SH2D1B: variants seen among roughly 807,000 people sequenced by gnomAD.
SH2D1B encodes SH2 domain-containing protein 1B.
Under a neutral mutation model 16.3 loss-of-function variants are expected in SH2D1B, and 11 were observed. That is an observed-to-expected ratio of 0.67 (90% CI 0.42 to 1.11). SH2D1B has a LOEUF of 1.11. Among genes scored for constraint, SH2D1B ranks in the 50% most tolerant of loss-of-function variants. The pLI, the probability that SH2D1B is intolerant of heterozygous loss-of-function variation, is 0.00. For synonymous variants in SH2D1B, 55 were observed against 56.1 expected (o/e 0.98, Z 0.09); for missense variants, 123 against 153.1 (o/e 0.80, Z 1.04).
At chr1:162,403,035 C>A (rs537769285) in intron 1 of SH2D1B, among the ~76,000 whole-genome samples, 35 of 151,816 alleles carry the variant, frequency 2.3e-4, no homozygotes, top group African/African-American at 7.5e-4. Context: ...CAGCCTCCTG[C>A]GTAGCTGGGA....
chr1:162,399,518 T>G (rs1247588013), intron 2 of SH2D1B, among the ~76,000 whole-genome samples: 2 of 152,206 alleles, frequency 1.3e-5, no homozygotes, highest in African/African-American at 4.8e-5. Context: ...TATTTTAAGT[T>G]CAGGGGTACA....
At chr1:162,403,500 AAAAAAAAAAAAATATATATATATATAT>A (rs1648573208) in intron 1 of SH2D1B, among the ~76,000 whole-genome samples, 1 of 35,148 alleles carries the variant, frequency 2.8e-5, no homozygotes, top group Non-Finnish European at 6.5e-5. Flanking sequence ...AAAAAAAAAA[AAAAAAAAAAAAATATATATATATATAT>A]ATATATATAT....
At position 162,395,304 on chromosome 1, in the gene SH2D1B, C is replaced by T. The variant is rs866046942; in HGVS notation, c.*1976G>A. 5.7e-4 allele frequency: 87 copies of T among 152,022 alleles called. No individual in the cohort carries two copies. The highest frequency in any genetic ancestry group is 2.0e-3 in the African/African-American group (81 of 41,450). The allele number at this position is 152,022 out of a possible 1,614,324, so 9.4% of individuals were successfully genotyped here. ...CAACAATTTTATTAAGGTAACTTAC[C>T]TTTATAATGGAGTGAAGACAAAAGG... On this transcript the variant is annotated 3_prime_UTR_variant, in exon 4 of 4. Transcript: ENST00000367929.
At position 162,404,363 on chromosome 1, in the gene SH2D1B, T is replaced by C. The variant is rs189475946; in HGVS notation, c.135-1561A>G. ...AAAAAATAAAATAAAATAATAACCA[T>C]ATATTATATTTTTGAAAAATGCTGA... is the stretch of plus-strand genomic sequence containing the variant. On this transcript the variant is annotated intron_variant, in intron 1 of 3. Transcript: ENST00000367929. Among the ~76,000 whole-genome samples, 19 of 152,178 alleles carry C rather than the reference T, an allele frequency of 1.2e-4. No homozygotes were observed. The East Asian group carries it at 2.7e-3, about 22-fold the overall frequency.
chr1:162,409,314 C>G (rs996541880), intron 1 of SH2D1B, among the ~76,000 whole-genome samples: 1 of 152,098 alleles, frequency 6.6e-6, no homozygotes, highest in African/African-American at 2.4e-5. Flanking sequence ...TTCTCCACGT[C>G]AAATTGAAGT....
At chr1:162,410,656 CTTTTTTTT>C (rs66614229) in intron 1 of SH2D1B, among the ~76,000 whole-genome samples, 2 of 129,980 alleles carry the variant, frequency 1.5e-5, no homozygotes, top group African/African-American at 5.8e-5. Context: ...TTTTCTTTTT[CTTTTTTTT>C]TTTTTTTTTG....
At position 162,411,975 on chromosome 1, in the gene SH2D1B, G is replaced by C. The variant is rs143076411; in HGVS notation, c.42C>G (p.Asp14Glu). ...CTTCCTTGAGCAGCAAGGTCTCACAGTCTTGCTTGGTCAGACGTCCATGGT... is the reference window on the plus strand; with the variant it reads ...CTTCCTTGAGCAGCAAGGTCTCACACTCTTGCTTGGTCAGACGTCCATGGT... ...PYYHGRLTKQDCETLLLKEGV... is the reference protein window; with the variant it reads ...PYYHGRLTKQECETLLLKEGV... Residue 14 changes from aspartate (D) to glutamate (E), a missense_variant, in exon 1 of 4, where the codon GAC becomes GAG. Asp to Glu is a conservative substitution (Grantham distance 45). Coordinates refer to ENST00000367929, the MANE Select transcript of SH2D1B (RefSeq NM_053282.5). 289 of 1,614,154 alleles carry C rather than the reference G, an allele frequency of 1.8e-4. 1 individual carries two copies. In the East Asian group the frequency reaches 5.8e-3, roughly 32 times the overall value.
At position 162,395,565 on chromosome 1, in the gene SH2D1B, T is replaced by C. The variant is rs554807258; in HGVS notation, c.*1715A>G. On this transcript the variant is annotated 3_prime_UTR_variant, in exon 4 of 4. Transcript: ENST00000367929. ...CTAACCAATGGGTAAACATAAAAAATAAATGAGCATAGGTATTGCAAGGAA... is the reference window on the plus strand; with the variant it reads ...CTAACCAATGGGTAAACATAAAAAACAAATGAGCATAGGTATTGCAAGGAA... The C allele has an allele frequency of 6.6e-6, 1 of 152,238 alleles. No individual in the cohort carries two copies. Among genetic ancestry groups the C allele is most frequent in the East Asian group, 1.9e-4 (1 of 5,190 alleles). The allele number at this position is 152,238 out of a possible 1,614,324, so 9.4% of individuals were successfully genotyped here. A position where few individuals can be genotyped will look rare whatever the true frequency, so the allele number is the denominator to read the frequency against.
intron 1 of SH2D1B, 111 bp downstream of exon 1, chr1:162,411,772 A>G: frequency 7.0e-7 from 1 of 1,424,548 alleles, no homozygotes; most frequent in Non-Finnish European, 9.7e-7. Flanking sequence ...CTACTCATTG[A>G]GACTCCAAAG....
chr1:162,402,361 A>C, intron 2 of SH2D1B: 1 of 157,658 alleles, frequency 6.3e-6, no homozygotes, highest in Non-Finnish European at 1.4e-5. Flanking sequence ...AAATACAAAA[A>C]TTAGCTGGGG....
At chr1:162,397,709 G>A (rs1191509255) in intron 3 of SH2D1B, among the ~76,000 whole-genome samples, 1 of 152,192 alleles carries the variant, frequency 6.6e-6, no homozygotes, top group Non-Finnish European at 1.5e-5. Flanking sequence ...GAAAACTGAT[G>A]GAGTGAGATT....
intron 2 of SH2D1B, among the ~76,000 whole-genome samples, chr1:162,400,286 CTTTT>C (rs1241054289): frequency 1.2e-5 from 1 of 83,288 alleles, no homozygotes; most frequent in Admixed American, 1.8e-4. Context: ...ACACCACGTA[CTTTT>C]TTTTTTTTTT....
At chr1:162,406,431 G>A (rs2101862787) in intron 1 of SH2D1B, among the ~76,000 whole-genome samples, 2 of 152,198 alleles carry the variant, frequency 1.3e-5, no homozygotes, top group Non-Finnish European at 2.9e-5. Flanking sequence ...CTACAATTAT[G>A]GAGAAAACAG....
chr1:162,402,910 ACTCT>A, intron 1 of SH2D1B, 108 bp from the exon 2 acceptor site: 1 of 904,984 alleles, frequency 1.1e-6, no homozygotes, highest in Non-Finnish European at 1.7e-6. Context: ...TCCTAAAAAA[ACTCT>A]TTTTTTTTTT....
intron 2 of SH2D1B, among the ~76,000 whole-genome samples, chr1:162,402,092 G>A (rs925812679): frequency 1.3e-5 from 2 of 152,072 alleles, no homozygotes; most frequent in Non-Finnish European, 2.9e-5. Context: ...TCTTTCCACC[G>A]TCCCTTTCTA....
At chr1:162,406,451 C>A (rs351454) in intron 1 of SH2D1B, among the ~76,000 whole-genome samples, 4 of 151,926 alleles carry the variant, frequency 2.6e-5, no homozygotes, top group Admixed American at 6.6e-5. Context: ...GGTTGCAAGC[C>A]ATCATGTATA....
chr1:162,407,110 T>A (rs186867478), intron 1 of SH2D1B, among the ~76,000 whole-genome samples: 67 of 152,354 alleles, frequency 4.4e-4, no homozygotes, highest in Middle Eastern at 6.8e-3. Flanking sequence ...CCTCACAGTA[T>A]TTTCATCACT....
Position 162,412,032 on chromosome 1 carries a change from A to G in SH2D1B, c.-16T>C, listed in dbSNP as rs752315041. The G allele has an allele frequency of 6.2e-6, 10 of 1,613,802 alleles. No individual in the cohort carries two copies. In the Admixed American group the frequency reaches 1.7e-4, roughly 27 times the overall value. On this transcript the variant is annotated 5_prime_UTR_variant, in exon 1 of 4. Transcript: ENST00000367929. ...GCAGATCCATGGAGAACGCTCTTGT[A>G]TCCCAGGAAGCCCTGTTGGCCTGAA...
chr1:162,399,237 C>T, intron 2 of SH2D1B, 150 bp from the exon 3 acceptor site: 1 of 687,754 alleles, frequency 1.5e-6, no homozygotes. Flanking sequence ...TCCCAGTTCA[C>T]AGAAACTCTC....
Sources: allele counts gnomAD v4.1 joint callset (sites outside exome capture counted in the v4.1 genomes callset), GRCh38; gene constraint gnomAD v4.1.1; transcripts MANE v1.5; gene names NCBI Gene and HGNC (gene_info 2026-07-23, HGNC 2026-07-21).